Variants in S100PBP observed in about 807,000 individuals in gnomAD.
The protein encoded by S100PBP is S100P binding protein, also known as S100P-binding protein.
S100PBP carries 15 observed loss-of-function variants against 39.9 expected under a neutral mutation model. That is an observed-to-expected ratio of 0.38 (90% CI 0.25 to 0.58). S100PBP has a LOEUF of 0.58. S100PBP is among the 20% of genes least tolerant of loss of function. The pLI is 0.70. For missense variants in S100PBP, 504 were observed against 487.3 expected (o/e 1.03, Z -0.32); for synonymous variants, 178 against 180.3 (o/e 0.99, Z 0.10).
At chr1:32,845,756 T>C (rs1171941124) in intron 5 of S100PBP, among the ~76,000 whole-genome samples, 2 of 151,886 alleles carry the variant, frequency 1.3e-5, no homozygotes, top group Non-Finnish European at 2.9e-5. Flanking sequence ...CATGGTTCAC[T>C]GTAGCATCAA....
chr1:32,836,621 AT>A (rs999653672), intron 5 of S100PBP: 1,077 of 902,142 alleles, frequency 1.2e-3, no homozygotes, highest in Middle Eastern at 1.7e-3. Context: ...CTTTCATTAA[AT>A]TTTTTTTTTG....
In S100PBP at chr1:32,856,149, C is replaced by G. The variant is rs1463741518; in HGVS notation, c.*111C>G. The G allele has an allele frequency of 1.0e-5, 7 of 673,298 alleles. No homozygotes were observed. The allele number at this position is 673,298 out of a possible 1,614,324, so 41.7% of individuals were successfully genotyped here. A position where few individuals can be genotyped will look rare whatever the true frequency, so the allele number is the denominator to read the frequency against. On this transcript the variant is annotated 3_prime_UTR_variant, in exon 7 of 7. Coordinates refer to ENST00000373475, the MANE Select transcript of S100PBP (RefSeq NM_022753.4). The stretch of plus-strand genomic sequence containing the variant: ...TGCCGATTTTGGATTTTATTTTTCA[C>G]AAAATTTTTATTTAAAAAACTCGTC...
intron 5 of S100PBP, among the ~76,000 whole-genome samples, chr1:32,838,129 C>T (rs1294073243): frequency 1.3e-5 from 2 of 151,666 alleles, no homozygotes; most frequent in Admixed American, 1.3e-4. Flanking sequence ...ATCACGAGGT[C>T]AGGAGATCGA....
chr1:32,830,878 T>C (rs1201097856), intron 5 of S100PBP, among the ~76,000 whole-genome samples: 2 of 152,068 alleles, frequency 1.3e-5, no homozygotes, highest in East Asian at 1.9e-4. Context: ...AAACCCCATC[T>C]CTACTAAAAC....
At chr1:32,831,363 T>A (rs1639590876) in intron 5 of S100PBP, among the ~76,000 whole-genome samples, 1 of 151,768 alleles carries the variant, frequency 6.6e-6, no homozygotes, top group African/African-American at 2.4e-5. Flanking sequence ...GGAAGGAGGA[T>A]GCCCTAGGTG....
intron 2 of S100PBP, among the ~76,000 whole-genome samples, chr1:32,825,818 C>T (rs571970938): frequency 1.3e-5 from 2 of 152,222 alleles, no homozygotes; most frequent in African/African-American, 2.4e-5. Flanking sequence ...TGACTTAACG[C>T]TTTTACTGAT....
At chr1:32,828,161 AGTGCAGG>A in intron 4 of S100PBP, 80 bp downstream of exon 4, 1 of 919,132 alleles carries the variant, frequency 1.1e-6, no homozygotes, top group Admixed American at 2.3e-5. Context: ...GTTTCCTCTT[AGTGCAGG>A]GAAAAAAATC....
intron 1 of S100PBP, among the ~76,000 whole-genome samples, chr1:32,819,836 CATG>C (rs1395940799): frequency 6.6e-6 from 1 of 152,094 alleles, no homozygotes; most frequent in East Asian, 1.9e-4. Flanking sequence ...TATTTTTTCT[CATG>C]ATAATCTGTG....
At position 32,826,576 on chromosome 1, in the gene S100PBP, G is replaced by T; in HGVS notation, c.477G>T (p.Leu159=). ...TTAATCCAACAGTTTGTGATGCTCT[G>T]CTTGATAAGGACGAGACTGATTCGT... ...APFNPTVCDA[L]LDKDETDSSK... Residue 159 remains leucine (L), a synonymous_variant, in exon 3 of 7, where the codon CTG becomes CTT. Transcript: ENST00000373475. The T allele has an allele frequency of 6.2e-7, 1 of 1,613,796 alleles. No homozygotes were observed. The highest frequency in any genetic ancestry group is 8.5e-7 in the Non-Finnish European group (1 of 1,180,012).
chr1:32,841,170 A>T lies in S100PBP; in HGVS notation c.1024+11103A>T, dbSNP rs966645923. 9.0e-4 allele frequency among the ~76,000 whole-genome samples: 136 copies of T among 151,866 alleles called. 1 individual carries two copies. Among genetic ancestry groups the T allele is most frequent in the Admixed American group, 8.0e-3 (122 of 15,246 alleles). On this transcript the variant is annotated intron_variant, in intron 5 of 6. Coordinates refer to ENST00000373475, the MANE Select transcript of S100PBP (RefSeq NM_022753.4). ...AGCAAGATTCCATCTCAAAAAAAAA[A>T]AAAATAAAAAAAATTGGATTATTTT... is the stretch of plus-strand genomic sequence containing the variant.
In S100PBP at chr1:32,858,685, CT is replaced by C. The variant is rs1640904616; in HGVS notation, c.*2648del. ...CTTGACAAAGCAGAGTAAAAATATG[CT>C]GTTTACATTGTTTACTTACAAGTAA... On this transcript the variant is annotated 3_prime_UTR_variant, in exon 7 of 7. Coordinates refer to ENST00000373475, the MANE Select transcript of S100PBP (RefSeq NM_022753.4). The C allele has an allele frequency of 6.6e-6, 1 of 152,164 alleles. No homozygotes were observed. Among genetic ancestry groups the C allele is most frequent in the Non-Finnish European group, 1.5e-5 (1 of 68,036 alleles). 9.4% of individuals were successfully genotyped at this position (152,164 alleles called of 1,614,324 possible). A position where few individuals can be genotyped will look rare whatever the true frequency, so the allele number is the denominator to read the frequency against.
At chr1:32,828,633 T>G (rs770690092) in intron 4 of S100PBP, among the ~76,000 whole-genome samples, 6 of 152,272 alleles carry the variant, frequency 3.9e-5, no homozygotes, top group Admixed American at 6.5e-5. Context: ...AAATGTTGGA[T>G]CAGATTAGCT....
At chr1:32,838,843 CAAA>C (rs745436929) in intron 5 of S100PBP, among the ~76,000 whole-genome samples, 1 of 104,750 alleles carries the variant, frequency 9.5e-6, no homozygotes, top group African/African-American at 3.6e-5. Flanking sequence ...AACTCCGTCT[CAAA>C]AAAAAAAAAA....
At chr1:32,828,698 T>C (rs1265197771) in intron 4 of S100PBP, among the ~76,000 whole-genome samples, 2 of 152,092 alleles carry the variant, frequency 1.3e-5, no homozygotes, top group East Asian at 3.9e-4. Context: ...TTACATTAAT[T>C]TTGCTTAAAA....
At chr1:32,825,681 A>G (rs1639290164) in intron 2 of S100PBP, among the ~76,000 whole-genome samples, 1 of 152,218 alleles carries the variant, frequency 6.6e-6, no homozygotes, top group African/African-American at 2.4e-5. Context: ...TTCTCTTGGT[A>G]ATAGACATTT....
intron 5 of S100PBP, chr1:32,834,021 C>G (rs1054170134): frequency 3.1e-6 from 1 of 326,852 alleles, no homozygotes; most frequent in Non-Finnish European, 6.4e-6. Flanking sequence ...ATGTACAATT[C>G]TTATTTCTAT....
rs1315026475 is a variant in S100PBP, at chr1:32,826,186, G to T, written c.87G>T (p.Leu29Phe). The T allele has an allele frequency of 3.1e-6, 5 of 1,614,124 alleles. No homozygotes were observed. Among genetic ancestry groups the T allele is most frequent in the Non-Finnish European group, 4.2e-6 (5 of 1,180,018 alleles). Residue 29 changes from leucine (L) to phenylalanine (F), a missense_variant, in exon 3 of 7, where the codon TTG becomes TTT. Coordinates refer to ENST00000373475, the MANE Select transcript of S100PBP (RefSeq NM_022753.4). ...GTGCCCCATTTTCTTGGGATTCCTT[G>T]GATGAGGATGGATTGGATGACTCCT... is the stretch of plus-strand genomic sequence containing the variant. ...KDGAPFSWDS[L>F]DEDGLDDSLL...
At chr1:32,841,654 G>A (rs553214019) in intron 5 of S100PBP, among the ~76,000 whole-genome samples, 12 of 149,934 alleles carry the variant, frequency 8.0e-5, no homozygotes, top group Admixed American at 7.4e-4. Flanking sequence ...GCTTGAACCC[G>A]GAAAGTAAAG....
intron 5 of S100PBP, chr1:32,835,325 CAA>C (rs944995898): frequency 2.0e-5 from 3 of 152,122 alleles, no homozygotes; most frequent in African/African-American, 7.2e-5. Flanking sequence ...CAATTTGTCT[CAA>C]ATTTGATAAA....
Sources: gnomAD v4.1 joint callset for allele counts (sites outside exome capture counted in the v4.1 genomes callset) on GRCh38, gnomAD v4.1.1 for gene constraint, MANE v1.5 for transcripts, NCBI Gene and HGNC (gene_info 2026-07-23, HGNC 2026-07-21) for gene names.